Variants in CDH19 observed in about 807,000 individuals in gnomAD.
CDH19 encodes cadherin 19.
CDH19 carries 67 observed loss-of-function variants against 64.2 expected under a neutral mutation model. The observed-to-expected ratio is 1.04, with a 90% CI of 0.86 to 1.28. The LOEUF (loss-of-function observed/expected upper bound fraction) is 1.28, where lower values mean the gene tolerates loss of function less well. Ranked by LOEUF, CDH19 falls within the 50% of genes most tolerant of loss-of-function variation. The pLI is 0.00. For missense variants in CDH19, 1,030 were observed against 929.0 expected (o/e 1.11, Z -1.41); for synonymous variants, 346 against 319.3 (o/e 1.08, Z -0.89).
chr18:66,522,318 C>T (rs539889310), intron 9 of CDH19, among the ~76,000 whole-genome samples: 336 of 152,164 alleles, frequency 2.2e-3, no homozygotes, highest in South Asian at 5.0e-3. Flanking sequence ...TGTTGGCTCA[C>T]TGCAACCTCC....
chr18:66,585,502 A>G (rs1439161381), intron 1 of CDH19, among the ~76,000 whole-genome samples: 1 of 152,026 alleles, frequency 6.6e-6, no homozygotes, highest in African/African-American at 2.4e-5. Flanking sequence ...AAAATTGAGG[A>G]TAATTATTAT....
At chr18:66,522,631 T>C (rs1040341368) in intron 9 of CDH19, among the ~76,000 whole-genome samples, 1 of 151,668 alleles carries the variant, frequency 6.6e-6, no homozygotes, top group Non-Finnish European at 1.5e-5. Context: ...TTATCCTTTT[T>C]CTTTTAAATA....
At chr18:66,559,248 A>C (rs1042876334) in intron 3 of CDH19, among the ~76,000 whole-genome samples, 1 of 152,084 alleles carries the variant, frequency 6.6e-6, no homozygotes, top group Admixed American at 6.6e-5. Flanking sequence ...AACAAAGTAC[A>C]TCTAAAAATC....
chr18:66,595,903 T>G (rs2144638686), intron 1 of CDH19, among the ~76,000 whole-genome samples: 1 of 152,072 alleles, frequency 6.6e-6, no homozygotes, highest in South Asian at 2.1e-4. Context: ...GAACATAGAT[T>G]CAAAAGTCCT....
chr18:66,578,591 C>A (rs1988334209), intron 1 of CDH19, among the ~76,000 whole-genome samples: 2 of 151,840 alleles, frequency 1.3e-5, no homozygotes, highest in South Asian at 4.2e-4. Flanking sequence ...TAAACATATA[C>A]CTACCATATG....
chr18:66,586,590 C>G (rs1299727089), intron 1 of CDH19, among the ~76,000 whole-genome samples: 1 of 151,740 alleles, frequency 6.6e-6, no homozygotes, highest in East Asian at 1.9e-4. Context: ...TAAACAGTCC[C>G]CTTTCATTCC....
intron 1 of CDH19, among the ~76,000 whole-genome samples, chr18:66,598,861 T>C (rs1988971011): frequency 1.3e-5 from 2 of 152,052 alleles, no homozygotes; most frequent in Non-Finnish European, 2.9e-5. Flanking sequence ...TAATTGAAGC[T>C]ATAATAAAAT....
At position 66,551,254 on chromosome 18, in the gene CDH19, G is replaced by C. The variant is rs915890061; in HGVS notation, c.615C>G (p.Val205=). The C allele has an allele frequency of 7.3e-7, 1 of 1,377,182 alleles. No homozygotes were observed. Among genetic ancestry groups the C allele is most frequent in the Non-Finnish European group, 1.0e-6 (1 of 973,078 alleles). The allele number at this position is 1,377,182 out of a possible 1,614,324, so 85.3% of individuals were successfully genotyped here. ...PYFSVEPTTG[V]IRISSKMDRE... is the part of the protein sequence containing the mutation. ...TATCCATTTTAGAAGATATTCTTAT[G>C]ACTCCTTTAAAAATATAATAAAATT... Residue 205 remains valine, a synonymous_variant, in exon 5 of 12, where the codon GTC becomes GTG. Coordinates refer to ENST00000262150, the MANE Select transcript of CDH19 (RefSeq NM_021153.4).
intron 8 of CDH19, among the ~76,000 whole-genome samples, chr18:66,532,943 G>A (rs949692801): frequency 6.6e-6 from 1 of 151,750 alleles, no homozygotes; most frequent in African/African-American, 2.4e-5. Context: ...TTGAGAACAT[G>A]TATATATTGG....
At chr18:66,534,566 T>C (rs974908438) in intron 8 of CDH19, among the ~76,000 whole-genome samples, 20 of 152,026 alleles carry the variant, frequency 1.3e-4, no homozygotes, top group African/African-American at 4.6e-4. Context: ...CGATATTTTA[T>C]ATTGTGTTAT....
rs544571252 is a variant in CDH19 at position 66,533,785 on chromosome 18, G to T, written c.1336+1201C>A. 8.5e-5 allele frequency among the ~76,000 whole-genome samples: 13 copies of T among 152,088 alleles called. No individual in the cohort carries two copies. The East Asian group carries it at 2.5e-3, about 29-fold the overall frequency. ...TCCTATAATCAGTATAATTGCTATGGTGAAAGCTTTTCAAGGTAGTTAGCA... is the reference window on the plus strand; with the variant it reads ...TCCTATAATCAGTATAATTGCTATGTTGAAAGCTTTTCAAGGTAGTTAGCA... On this transcript the variant is annotated intron_variant, in intron 8 of 11. Coordinates refer to ENST00000262150, the MANE Select transcript of CDH19 (RefSeq NM_021153.4).
At chr18:66,577,104 GA>G (rs1195901113) in intron 1 of CDH19, among the ~76,000 whole-genome samples, 1 of 151,604 alleles carries the variant, frequency 6.6e-6, no homozygotes, top group Non-Finnish European at 1.5e-5. Flanking sequence ...TACTGGATCA[GA>G]AAACTCAAAA....
chr18:66,520,533 G>A (rs1008095093), intron 9 of CDH19, among the ~76,000 whole-genome samples: 2 of 151,468 alleles, frequency 1.3e-5, no homozygotes, highest in Non-Finnish European at 2.9e-5. Context: ...TAACTGAAAA[G>A]AACAAAGAAA....
intron 4 of CDH19, 146 bp from the exon 5 acceptor site, chr18:66,551,404 A>G (rs1050077649): frequency 1.2e-4 from 68 of 586,602 alleles, no homozygotes; most frequent in Non-Finnish European, 1.9e-4. Flanking sequence ...AAAAATAATA[A>G]AAAATAAATT....
At chr18:66,544,539 C>A (rs1987027204) in intron 6 of CDH19, among the ~76,000 whole-genome samples, 180 bp downstream of exon 6, 1 of 152,054 alleles carries the variant, frequency 6.6e-6, no homozygotes. Context: ...AAATGTTCTG[C>A]ATATAATTCA....
chr18:66,530,315 ATTTTG>A (rs1443245205), intron 8 of CDH19, among the ~76,000 whole-genome samples: 1 of 152,078 alleles, frequency 6.6e-6, no homozygotes, highest in African/African-American at 2.4e-5. Flanking sequence ...AACTCATTTA[ATTTTG>A]ATCAATATAT....
intron 1 of CDH19, among the ~76,000 whole-genome samples, chr18:66,576,853 G>A (rs1015842344): frequency 4.6e-5 from 7 of 151,534 alleles, no homozygotes; most frequent in African/African-American, 1.2e-4. Context: ...AAAATCTATA[G>A]GTAACTTTAG....
chr18:66,544,657 C>T (rs1462133103), intron 6 of CDH19, 62 bp downstream of exon 6: 4 of 1,162,968 alleles, frequency 3.4e-6, no homozygotes, highest in Non-Finnish European at 4.8e-6. Flanking sequence ...ACCAGCTACA[C>T]AAAATATGTT....
At chr18:66,589,254 A>G (rs1042139693) in intron 1 of CDH19, among the ~76,000 whole-genome samples, 1 of 149,078 alleles carries the variant, frequency 6.7e-6, no homozygotes, top group Non-Finnish European at 1.5e-5. Flanking sequence ...ATATATACAT[A>G]TATATATATA....
Sources: allele counts gnomAD v4.1 joint callset (sites outside exome capture counted in the v4.1 genomes callset), GRCh38; gene constraint gnomAD v4.1.1; transcripts MANE v1.5; gene names NCBI Gene and HGNC (gene_info 2026-07-23, HGNC 2026-07-21).